Variants in CDH2 observed in about 807,000 individuals in gnomAD.
CDH2 encodes the protein cadherin-2.
In CDH2, 17 loss-of-function variants were observed where a neutral mutation model predicts 92.0. The ratio of observed to expected loss-of-function variants is 0.18; its 90% CI spans 0.13 to 0.28. CDH2 has a LOEUF of 0.28. CDH2 is among the 10% of genes least tolerant of loss of function. CDH2 has a pLI of 1.00. For missense variants in CDH2, 862 were observed against 1,133.1 expected, an observed-to-expected ratio of 0.76 and a Z score of 3.44; for synonymous variants, 419 against 415.9, an observed-to-expected ratio of 1.01 and a Z score of -0.09.
intron 2 of CDH2, among the ~76,000 whole-genome samples, chr18:28,087,851 T>A (rs541525361): frequency 1.3e-5 from 2 of 152,154 alleles, no homozygotes; most frequent in Non-Finnish European, 2.9e-5. Flanking sequence ...CAAACTTTCA[T>A]GATGGGAGCC....
intron 1 of CDH2, among the ~76,000 whole-genome samples, chr18:28,173,149 C>G (rs2016489198): frequency 6.6e-6 from 1 of 152,034 alleles, no homozygotes. Context: ...AAATCTCAGT[C>G]TGAACTTTTA....
chr18:28,152,694 G>A (rs1420503601), intron 1 of CDH2, among the ~76,000 whole-genome samples: 1 of 152,184 alleles, frequency 6.6e-6, no homozygotes, highest in Non-Finnish European at 1.5e-5. Flanking sequence ...GGGTTATCCT[G>A]TTGGCTGGGG....
At chr18:27,996,443 C>A (rs2012583299) in intron 7 of CDH2, among the ~76,000 whole-genome samples, 1 of 152,286 alleles carries the variant, frequency 6.6e-6, no homozygotes, top group Non-Finnish European at 1.5e-5. Flanking sequence ...GGCTGAGAAA[C>A]CCTTGCCTAG....
At chr18:28,147,258 T>C (rs1038424478) in intron 2 of CDH2, among the ~76,000 whole-genome samples, 10 of 152,118 alleles carry the variant, frequency 6.6e-5, no homozygotes, top group Non-Finnish European at 1.5e-4. Flanking sequence ...CTTCACGTTT[T>C]ATCTAATAAA....
At chr18:28,083,988 G>C (rs2014880011) in intron 2 of CDH2, among the ~76,000 whole-genome samples, 6 of 152,134 alleles carry the variant, frequency 3.9e-5, no homozygotes, top group Admixed American at 3.9e-4. Flanking sequence ...TTAGAGAGCT[G>C]TGTCTAACTT....
At chr18:28,043,140 C>T (rs2013981439) in intron 2 of CDH2, among the ~76,000 whole-genome samples, 1 of 151,926 alleles carries the variant, frequency 6.6e-6, no homozygotes, top group South Asian at 2.1e-4. Context: ...AAAATAATGG[C>T]CTTTGCAGCA....
At chr18:28,032,299 G>T (rs1191899266) in intron 2 of CDH2, among the ~76,000 whole-genome samples, 1 of 152,050 alleles carries the variant, frequency 6.6e-6, no homozygotes, top group East Asian at 1.9e-4. Flanking sequence ...CAAAACTGGG[G>T]ACTAGGCACA....
intron 14 of CDH2, among the ~76,000 whole-genome samples, chr18:27,972,389 A>T (rs549097475): frequency 6.6e-6 from 1 of 152,300 alleles, no homozygotes; most frequent in Non-Finnish European, 1.5e-5. Flanking sequence ...TAAAATATCT[A>T]TCATATGACC....
chr18:28,038,748 G>A (rs890604444), intron 2 of CDH2, among the ~76,000 whole-genome samples: 5 of 151,912 alleles, frequency 3.3e-5, no homozygotes, highest in African/African-American at 4.8e-5. Flanking sequence ...GCCTTGTTTC[G>A]TGTTTTCTCC....
chr18:28,162,379 G>A (rs1243431746), intron 1 of CDH2, among the ~76,000 whole-genome samples: 1 of 152,166 alleles, frequency 6.6e-6, no homozygotes, highest in Admixed American at 6.5e-5. Context: ...ATTGCTGGGT[G>A]AGTACAGAAC....
chr18:28,032,694 C>T (rs1024494961), intron 2 of CDH2, among the ~76,000 whole-genome samples: 4 of 152,058 alleles, frequency 2.6e-5, no homozygotes, highest in African/African-American at 9.7e-5. Flanking sequence ...AATGGCTTCC[C>T]ACCTTTACAA....
chr18:28,027,462 A>T (rs1467507852), intron 2 of CDH2, among the ~76,000 whole-genome samples: 2 of 152,178 alleles, frequency 1.3e-5, no homozygotes. Context: ...TTTAACTAAC[A>T]TATACAAGTT....
At chr18:27,945,323 A>ATTTTTTTTTTTTTTTTTTTTTTTTT (rs66537834) in intron 6 of CDH2, among the ~76,000 whole-genome samples, 7 of 66,460 alleles carry the variant, frequency 1.1e-4, no homozygotes, top group African/African-American at 4.1e-4. Context: ...AGGAAGGAAG[A>ATTTTTTTTTTTTTTTTTTTTTTTTT]TTTTTTTTTT....
intron 2 of CDH2, among the ~76,000 whole-genome samples, chr18:28,051,170 GT>G (rs1281052460): frequency 3.1e-4 from 47 of 152,002 alleles, no homozygotes; most frequent in African/African-American, 1.1e-3. Context: ...TTATATTATT[GT>G]TAATATTTCT....
At chr18:28,066,082 C>T (rs565920418) in intron 2 of CDH2, among the ~76,000 whole-genome samples, 26 of 152,226 alleles carry the variant, frequency 1.7e-4, no homozygotes, top group South Asian at 4.1e-4. Context: ...CTACGACTTG[C>T]GTGTTCATTT....
intron 2 of CDH2, among the ~76,000 whole-genome samples, chr18:28,114,905 T>C (rs2015471378): frequency 6.6e-6 from 1 of 151,754 alleles, no homozygotes; most frequent in Non-Finnish European, 1.5e-5. Context: ...AAAAAAATTA[T>C]AAAAAAAAGT....
At chr18:27,973,753 A>G (rs755947967) in intron 14 of CDH2, among the ~76,000 whole-genome samples, 1 of 152,142 alleles carries the variant, frequency 6.6e-6, no homozygotes, top group African/African-American at 2.4e-5. Flanking sequence ...GGGAATTAGG[A>G]GTGGAAGGGA....
At chr18:28,168,738 C>T (rs1423831151) in intron 1 of CDH2, 1 of 166,636 alleles carries the variant, frequency 6.0e-6, no homozygotes, top group Non-Finnish European at 1.2e-5. Flanking sequence ...TATGTTTTGG[C>T]TTCAGATGCC....
chr18:27,976,974 T>C (rs987098258), intron 14 of CDH2, among the ~76,000 whole-genome samples: 4 of 152,148 alleles, frequency 2.6e-5, no homozygotes, highest in Non-Finnish European at 2.9e-5. Flanking sequence ...GACGCTGATA[T>C]GGAAAGAACT....
Sources: gnomAD v4.1 joint callset for allele counts (sites outside exome capture counted in the v4.1 genomes callset) on GRCh38, gnomAD v4.1.1 for gene constraint, MANE v1.5 for transcripts, NCBI Gene and HGNC (gene_info 2026-07-23, HGNC 2026-07-21) for gene names.